The following STXBP4 variants were observed in gnomAD, a reference collection of about 807,000 sequenced individuals.
STXBP4 encodes the protein syntaxin-binding protein 4.
In STXBP4, 55 loss-of-function variants were observed where a neutral mutation model predicts 76.1. That is an observed-to-expected ratio of 0.72 (90% CI 0.58 to 0.91). The LOEUF (loss-of-function observed/expected upper bound fraction) is 0.91, where lower values mean the gene tolerates loss of function less well. STXBP4 is among the 40% of genes least tolerant of loss of function. The pLI, the probability that STXBP4 is intolerant of heterozygous loss-of-function variation, is 0.00. For synonymous variants in STXBP4, 201 were observed against 220.2 expected (o/e 0.91, Z 0.77); for missense variants, 618 against 636.9 (o/e 0.97, Z 0.32).
At chr17:55,120,607 G>A (rs936525720) in intron 16 of STXBP4, among the ~76,000 whole-genome samples, 1 of 152,192 alleles carries the variant, frequency 6.6e-6, no homozygotes, top group Admixed American at 6.5e-5. Context: ...ATTACAAACA[G>A]AGCCTGGAGA....
rs562550400 is a variant in STXBP4, at chr17:55,093,017, C to T, written c.1489+11834C>T. Among the ~76,000 whole-genome samples the T allele has an allele frequency of 3.3e-5, 5 of 151,630 alleles. No homozygotes were observed. The South Asian group carries it at 8.3e-4, about 25-fold the overall frequency. On this transcript the variant is annotated intron_variant, in intron 16 of 17. Coordinates refer to ENST00000376352, the MANE Select transcript of STXBP4 (RefSeq NM_178509.6). Reference sequence around the variant, plus strand: ...TTTTTTGTTTTTTGTTTTTTGGAGACAGGGTCTCTCTCTATTGCCCAAGCT... The same window carrying T: ...TTTTTTGTTTTTTGTTTTTTGGAGATAGGGTCTCTCTCTATTGCCCAAGCT...
At chr17:55,137,800 A>G (rs1359402044) in intron 16 of STXBP4, among the ~76,000 whole-genome samples, 1 of 152,114 alleles carries the variant, frequency 6.6e-6, no homozygotes, top group African/African-American at 2.4e-5. Flanking sequence ...TTAGATAGGT[A>G]TTTACAAGTT....
chr17:54,998,988 C>T (rs538909988), intron 4 of STXBP4, among the ~76,000 whole-genome samples: 3 of 151,992 alleles, frequency 2.0e-5, no homozygotes, highest in African/African-American at 7.2e-5. Flanking sequence ...TGAAATATCC[C>T]ACAGTTATTT....
intron 1 of STXBP4, among the ~76,000 whole-genome samples, chr17:54,984,787 C>T (rs2077603312): frequency 6.6e-6 from 1 of 152,094 alleles, no homozygotes; most frequent in African/African-American, 2.4e-5. Context: ...CTTAGTATGC[C>T]ATACAAATAT....
At chr17:55,149,632 A>G (rs1302479868) in intron 17 of STXBP4, among the ~76,000 whole-genome samples, 1 of 152,196 alleles carries the variant, frequency 6.6e-6, no homozygotes, top group African/African-American at 2.4e-5. Context: ...GTTTAAAATG[A>G]CAGTATTTAC....
chr17:54,979,819 T>G (rs1211042416), intron 1 of STXBP4, among the ~76,000 whole-genome samples: 3 of 152,194 alleles, frequency 2.0e-5, no homozygotes, highest in Non-Finnish European at 4.4e-5. Flanking sequence ...GGTGATCATT[T>G]CACTTTAGAC....
chr17:54,977,136 T>C (rs9916642), intron 1 of STXBP4, among the ~76,000 whole-genome samples: 42,630 of 151,996 alleles, frequency 0.28, 6,239 homozygotes, highest in African/African-American at 0.35. Flanking sequence ...ACCGAACCCC[T>C]GGCATTTTGG....
chr17:55,001,409 C>G (rs1034421833), intron 7 of STXBP4, among the ~76,000 whole-genome samples: 1 of 151,764 alleles, frequency 6.6e-6, no homozygotes, highest in African/African-American at 2.4e-5. Context: ...AACAATAAAG[C>G]GTTAATTATC....
intron 6 of STXBP4, chr17:55,000,148 G>A: frequency 1.1e-6 from 1 of 905,152 alleles, no homozygotes; most frequent in Non-Finnish European, 1.3e-6. Flanking sequence ...GTTTCAGTTG[G>A]TTTAGTTATT....
chr17:55,192,230 G>A, the STXBP4 span, among the ~76,000 whole-genome samples: 7 of 152,252 alleles, frequency 4.6e-5, no homozygotes, highest in Middle Eastern at 3.4e-3. Flanking sequence ...TAGGTTGGAG[G>A]ATAGAGTGTA....
the STXBP4 span, among the ~76,000 whole-genome samples, chr17:55,207,671 T>C: frequency 6.6e-6 from 1 of 152,252 alleles, no homozygotes; most frequent in East Asian, 1.9e-4. Flanking sequence ...CTCTTTAGAA[T>C]ACGGGGACCC....
At chr17:55,011,805 A>C (rs2078119707) in intron 8 of STXBP4, among the ~76,000 whole-genome samples, 1 of 152,142 alleles carries the variant, frequency 6.6e-6, no homozygotes, top group Non-Finnish European at 1.5e-5. Context: ...AGGGATTCTT[A>C]GTCGGCCTAG....
intron 16 of STXBP4, among the ~76,000 whole-genome samples, chr17:55,100,963 A>G (rs1014252716): frequency 1.3e-5 from 2 of 152,170 alleles, no homozygotes; most frequent in Non-Finnish European, 2.9e-5. Flanking sequence ...CTCCCCAGTC[A>G]AGCCTCAGAT....
At chr17:55,076,499 CTG>C (rs2144889450) in intron 13 of STXBP4, among the ~76,000 whole-genome samples, 1 of 152,196 alleles carries the variant, frequency 6.6e-6, no homozygotes, top group South Asian at 2.1e-4. Context: ...ATATCTTTCA[CTG>C]TTTTTATTTC....
chr17:55,204,363 G>A, the STXBP4 span, among the ~76,000 whole-genome samples: 6 of 151,938 alleles, frequency 3.9e-5, no homozygotes, highest in African/African-American at 1.4e-4. Context: ...TCAGTTTAAA[G>A]TTTATTCCTG....
At chr17:55,210,420 A>G in the STXBP4 span, among the ~76,000 whole-genome samples, 1 of 152,198 alleles carries the variant, frequency 6.6e-6, no homozygotes, top group Non-Finnish European at 1.5e-5. Flanking sequence ...TTGGGCTTAA[A>G]TTAGGCCTCA....
At chr17:55,129,186 C>G (rs2079947629) in intron 16 of STXBP4, among the ~76,000 whole-genome samples, 1 of 152,062 alleles carries the variant, frequency 6.6e-6, no homozygotes, top group Non-Finnish European at 1.5e-5. Flanking sequence ...CCTCGGCCTC[C>G]CAAAGGGCTG....
intron 8 of STXBP4, among the ~76,000 whole-genome samples, chr17:55,017,300 T>C (rs1439925782): frequency 1.3e-5 from 2 of 152,196 alleles, no homozygotes; most frequent in East Asian, 3.9e-4. Context: ...ATTTACAAAC[T>C]TGGGGCCCTG....
In STXBP4 at chr17:55,160,161, G is replaced by C; in HGVS notation, c.*250G>C. ...TATTTTTTGAAATCACATATAATTA[G>C]ACTTTATAATATATATACTTTTTCA... On this transcript the variant is annotated 3_prime_UTR_variant, in exon 18 of 18. Transcript: ENST00000376352. 1 of 268,274 alleles carries C rather than the reference G, an allele frequency of 3.7e-6. No homozygotes were observed. Among genetic ancestry groups the C allele is most frequent in the Non-Finnish European group, 6.9e-6 (1 of 143,954 alleles). The allele number at this position is 268,274 out of a possible 1,614,324, so 16.6% of individuals were successfully genotyped here.
Sources: allele counts gnomAD v4.1 joint callset (sites outside exome capture counted in the v4.1 genomes callset), GRCh38; gene constraint gnomAD v4.1.1; transcripts MANE v1.5; gene names NCBI Gene and HGNC (gene_info 2026-07-23, HGNC 2026-07-21).